ZNF26: variants seen among roughly 807,000 people sequenced by gnomAD.
ZNF26 encodes the protein zinc finger protein 26.
In ZNF26, 32 loss-of-function variants were observed where a neutral mutation model predicts 54.9. That is an observed-to-expected ratio of 0.58 (90% confidence interval 0.44 to 0.78). ZNF26 has a LOEUF of 0.78. Among genes scored for constraint, ZNF26 ranks in the 30% least tolerant of loss-of-function variants. The probability of loss-of-function intolerance (pLI) is 0.00; values close to 1 mark genes in which losing one functional copy is unlikely to be tolerated. For synonymous variants in ZNF26, 221 were observed against 209.2 expected (o/e 1.06, Z -0.49); for missense variants, 524 against 634.0 (o/e 0.83, Z 1.86).
rs77349696 is a variant in ZNF26, at chr12:133,026,519, C to CTTTTTTTTTTTTTTTTTT, written c.*15046_*15063dup. 8.2e-6 allele frequency: 1 copy of CTTTTTTTTTTTTTTTTTT among 122,464 alleles called. No individual in the cohort carries two copies. The highest frequency in any genetic ancestry group is 3.6e-5 in the African/African-American group (1 of 27,450). The allele number at this position is 122,464 out of a possible 1,614,324, so 7.6% of individuals were successfully genotyped here. On this transcript the variant is annotated 3_prime_UTR_variant, in exon 4 of 4. Coordinates refer to ENST00000328654, the MANE Select transcript of ZNF26 (RefSeq NM_019591.4). ...AAAAGGACAACTTCATATAGTTCAA[C>CTTTTTTTTTTTTTTTTTT]TTTTTTTTTTTTTTTTTTTTTTTTT...
chr12:133,010,665 A>G lies in ZNF26; in HGVS notation c.786A>G (p.Glu262=), dbSNP rs1486038666. ...HTGGKPYGCS[E]CGKAYSWKSQ... is the part of the protein sequence containing the mutation. ...GAGGGAAACCCTATGGCTGCAGTGAATGTGGGAAAGCCTACAGTTGGAAAT... is the reference window on the plus strand; with the variant it reads ...GAGGGAAACCCTATGGCTGCAGTGAGTGTGGGAAAGCCTACAGTTGGAAAT... The change falls in exon 4 of 4, where the codon GAA becomes GAG. Residue 262 remains glutamate (E), a synonymous_variant. Transcript: ENST00000328654. The G allele has an allele frequency of 3.7e-6, 6 of 1,614,060 alleles. No homozygotes were observed. Among genetic ancestry groups the G allele is most frequent in the Middle Eastern group, 1.6e-4 (1 of 6,084 alleles).
At chr12:133,006,910 A>C (rs1215181094) in intron 1 of ZNF26, 132 bp from the exon 2 acceptor site, 2 of 1,206,644 alleles carry the variant, frequency 1.7e-6, no homozygotes, top group Non-Finnish European at 2.4e-6. Context: ...TAATTCTCTC[A>C]CAAAGTAAAT....
Position 133,021,777 on chromosome 12 carries a change from GA to G in ZNF26, c.*10299del, listed in dbSNP as rs1391637593. 9.2e-5 allele frequency: 2 copies of G among 21,770 alleles called. No individual in the cohort carries two copies. The highest frequency in any genetic ancestry group is 3.3e-4 in the Non-Finnish European group (2 of 6,000). 1.3% of individuals were successfully genotyped at this position (21,770 alleles called of 1,614,324 possible). ...GTGAAACTGTCTCAGAAAAAAGAAA[GA>G]AAGAAAAACGTTTATTTGTAGAGAA... On this transcript the variant is annotated 3_prime_UTR_variant, in exon 4 of 4. Coordinates refer to ENST00000328654, the MANE Select transcript of ZNF26 (RefSeq NM_019591.4).
chr12:133,008,792 A>G (rs1013781063), intron 3 of ZNF26, among the ~76,000 whole-genome samples: 44 of 150,824 alleles, frequency 2.9e-4, no homozygotes, highest in Admixed American at 1.5e-3. Flanking sequence ...AAAAAAAAAA[A>G]AAAGAAAAAC....
Position 133,023,710 on chromosome 12 carries a change from T to G in ZNF26, c.*12229T>G. 6.6e-6 allele frequency: 1 copy of G among 152,210 alleles called. No individual in the cohort carries two copies. Among genetic ancestry groups the G allele is most frequent in the East Asian group, 1.9e-4 (1 of 5,202 alleles). The allele number at this position is 152,210 out of a possible 1,614,324, so 9.4% of individuals were successfully genotyped here. A position where few individuals can be genotyped will look rare whatever the true frequency, so the allele number is the denominator to read the frequency against. On this transcript the variant is annotated 3_prime_UTR_variant, in exon 4 of 4. Coordinates refer to ENST00000328654, the MANE Select transcript of ZNF26 (RefSeq NM_019591.4). ...TTGCCACTCCTCCCACTTATAGTCT[T>G]GCCCCATCCTTTGAGTTTTGTTGGC...
At chr12:132,989,028 ATTTTTTTTTTTTTTT>A (rs150395603) in intron 1 of ZNF26, among the ~76,000 whole-genome samples, 2 of 78,826 alleles carry the variant, frequency 2.5e-5, no homozygotes, top group African/African-American at 1.0e-4. Context: ...CTTTCGGTGA[ATTTTTTTTTTTTTTT>A]TTTTTTTTTT....
In ZNF26 at chr12:133,011,329, T is replaced by A; in HGVS notation, c.1450T>A (p.Cys484Ser). Residue 484 changes from cysteine (C) to serine (S), a missense_variant, in exon 4 of 4, where the codon TGC becomes AGC. Transcript: ENST00000328654. ...KTHSGEKPFK[C>S]SECGKAFTQK... is the part of the protein sequence containing the mutation. ...TCATTCGGGAGAGAAACCTTTTAAA[T>A]GCAGTGAATGTGGAAAAGCCTTCAC... is the stretch of plus-strand genomic sequence containing the variant. The A allele has an allele frequency of 1.9e-6, 3 of 1,614,086 alleles. No homozygotes were observed. Among genetic ancestry groups the A allele is most frequent in the Non-Finnish European group, 2.5e-6 (3 of 1,180,014 alleles).
In ZNF26 at chr12:133,006,343, C is replaced by T. The variant is rs907837232; in HGVS notation, c.34-699C>T. The T allele has an allele frequency of 3.3e-4, 319 of 968,238 alleles. 3 individuals carry two copies. The South Asian group carries it at 0.013, about 41-fold the overall frequency. 60.0% of individuals were successfully genotyped at this position (968,238 alleles called of 1,614,324 possible). On this transcript the variant is annotated intron_variant, in intron 1 of 3. Coordinates refer to ENST00000328654, the MANE Select transcript of ZNF26 (RefSeq NM_019591.4). The stretch of plus-strand genomic sequence containing the variant: ...AACACCTCCTGAATTGCCCTTTCTA[C>T]CCCAACTTCTTGAACACATCATGAA...
At chr12:132,998,326 C>A (rs1299768602) in intron 1 of ZNF26, among the ~76,000 whole-genome samples, 2 of 152,046 alleles carry the variant, frequency 1.3e-5, no homozygotes, top group African/African-American at 4.8e-5. Context: ...TCCAGCACGC[C>A]TGGCTAATTT....
In ZNF26 at chr12:133,020,867, T is replaced by C. The variant is rs1436664219; in HGVS notation, c.*9386T>C. 5.3e-5 allele frequency: 8 copies of C among 152,300 alleles called. No individual in the cohort carries two copies. Among genetic ancestry groups the C allele is most frequent in the African/African-American group, 1.7e-4 (7 of 41,550 alleles). The allele number at this position is 152,300 out of a possible 1,614,324, so 9.4% of individuals were successfully genotyped here. On this transcript the variant is annotated 3_prime_UTR_variant, in exon 4 of 4. Transcript: ENST00000328654. ...GTCTCATCACATAATCTCCCTTCTATATGCACATATCTCTGTGCAAACGTC... is the reference window on the plus strand; with the variant it reads ...GTCTCATCACATAATCTCCCTTCTACATGCACATATCTCTGTGCAAACGTC...
chr12:133,010,512 C>T lies in ZNF26; in HGVS notation c.633C>T (p.Phe211=). The T allele has an allele frequency of 6.2e-7, 1 of 1,614,036 alleles. No homozygotes were observed. Among genetic ancestry groups the T allele is most frequent in the Non-Finnish European group, 8.5e-7 (1 of 1,179,994 alleles). ...AATGCAGTAAATGTGAAAGAGCCTT[C>T]AGTGCCAAGTCAAACCTTAATGCTC... ...PYECSKCERA[F]SAKSNLNAHQ... The change falls in exon 4 of 4, where the codon TTC becomes TTT. Residue 211 remains phenylalanine, a synonymous_variant. Coordinates refer to ENST00000328654, the MANE Select transcript of ZNF26 (RefSeq NM_019591.4).
At chr12:132,988,553 T>A (rs1952877905) in intron 1 of ZNF26, among the ~76,000 whole-genome samples, 1 of 152,140 alleles carries the variant, frequency 6.6e-6, no homozygotes, top group Non-Finnish European at 1.5e-5. Flanking sequence ...AGCCTATAAG[T>A]CTTGAAGTCA....
rs1953628907 is a variant in ZNF26 at position 133,020,713 on chromosome 12, G to T, written c.*9232G>T. ...ATGGCTTAAACAACACAGATATATT[G>T]TCTTACTGTTCTGGAGCCTCCATGT... On this transcript the variant is annotated 3_prime_UTR_variant, in exon 4 of 4. Transcript: ENST00000328654. 1.3e-5 allele frequency: 2 copies of T among 152,130 alleles called. No homozygotes were observed. Among genetic ancestry groups the T allele is most frequent in the African/African-American group, 4.8e-5 (2 of 41,440 alleles). 9.4% of individuals were successfully genotyped at this position (152,130 alleles called of 1,614,324 possible). A position where few individuals can be genotyped will look rare whatever the true frequency, so the allele number is the denominator to read the frequency against.
chr12:133,008,692 T>C (rs370814260), intron 3 of ZNF26, among the ~76,000 whole-genome samples: 25 of 145,398 alleles, frequency 1.7e-4, no homozygotes, highest in Middle Eastern at 3.5e-3. Context: ...AGGAGAATGG[T>C]GTGAACCCAG....
chr12:133,000,593 T>C (rs376704249), intron 1 of ZNF26, among the ~76,000 whole-genome samples: 23 of 151,974 alleles, frequency 1.5e-4, no homozygotes, highest in East Asian at 1.2e-3. Flanking sequence ...CCCAGCTAAT[T>C]TTTTGTATTT....
intron 1 of ZNF26, chr12:133,004,873 G>C (rs1033386381): frequency 6.6e-6 from 1 of 152,140 alleles, no homozygotes; most frequent in Non-Finnish European, 1.5e-5. Flanking sequence ...TAAGATTTCA[G>C]AATCAGCATT....
intron 2 of ZNF26, 132 bp downstream of exon 2, chr12:133,007,300 T>A (rs1953352550): frequency 6.8e-6 from 9 of 1,332,838 alleles, no homozygotes; most frequent in Admixed American, 5.9e-5. Flanking sequence ...TCAAATTTCC[T>A]TAGTCCCTGT....
rs1284774330 is a variant in ZNF26, at chr12:133,016,835, A to G, written c.*5354A>G. ...TATTTGTAATATGTTATGAGATACCATCATTGGAGGTTGTAAGGATGGGAA... is the reference window on the plus strand; with the variant it reads ...TATTTGTAATATGTTATGAGATACCGTCATTGGAGGTTGTAAGGATGGGAA... On this transcript the variant is annotated 3_prime_UTR_variant, in exon 4 of 4. Transcript: ENST00000328654. 2 of 152,138 alleles carry G rather than the reference A, an allele frequency of 1.3e-5. No homozygotes were observed. Among genetic ancestry groups the G allele is most frequent in the East Asian group, 3.9e-4 (2 of 5,194 alleles). 9.4% of individuals were successfully genotyped at this position (152,138 alleles called of 1,614,324 possible).
chr12:133,000,734 A>G (rs1349377008), intron 1 of ZNF26, among the ~76,000 whole-genome samples: 8 of 151,330 alleles, frequency 5.3e-5, no homozygotes, highest in Non-Finnish European at 1.2e-4. Context: ...TAATTTTTGT[A>G]TTTTTAGTAG....
Sources: allele counts gnomAD v4.1 joint callset (sites outside exome capture counted in the v4.1 genomes callset), GRCh38; gene constraint gnomAD v4.1.1; transcripts MANE v1.5; gene names NCBI Gene and HGNC (gene_info 2026-07-23, HGNC 2026-07-21).